Variants in CIITA observed in about 807,000 individuals in gnomAD.
CIITA encodes the protein MHC class II transactivator.
Under a neutral mutation model 115.1 loss-of-function variants are expected in CIITA, and 72 were observed. The ratio of observed to expected loss-of-function variants is 0.63; its 90% CI spans 0.52 to 0.76. CIITA has a LOEUF of 0.76. CIITA is among the 30% of genes least tolerant of loss of function. CIITA has a pLI of 0.00. For synonymous variants in CIITA, 763 were observed against 635.6 expected (o/e 1.20, Z -3.02); for missense variants, 1,617 against 1,463.8 (o/e 1.10, Z -1.71).
intron 14 of CIITA, among the ~76,000 whole-genome samples, 189 bp downstream of exon 14, chr16:10,915,839 C>T (rs1277749567): frequency 6.6e-6 from 1 of 152,228 alleles, no homozygotes; most frequent in African/African-American, 2.4e-5. Flanking sequence ...ATCCTGCCCC[C>T]AAGGCACCTG....
Position 10,907,662 on chromosome 16 carries a change from C to G in CIITA, c.2170C>G (p.Leu724Val), listed in dbSNP as rs756666655. ...CTTCCTGGGGGCCCTGTGGCTGGCT[C>G]TGAGTGGCGAAATCAAGGACAAGGA... The part of the protein sequence containing the change: ...QCFLGALWLA[L>V]SGEIKDKELP... The change falls in exon 11 of 20, where the codon CTG becomes GTG. Residue 724 changes from leucine to valine, a missense_variant. Physicochemically the swap from Leu to Val is conservative, Grantham distance 32. Transcript: ENST00000324288. The surrounding 1 kb of genome is among the most constrained non-coding windows in gnomAD (Gnocchi z 5.0). 3.1e-6 allele frequency: 5 copies of G among 1,614,118 alleles called. No homozygotes were observed. The Admixed American group carries it at 5.0e-5, about 16-fold the overall frequency.
At chr16:10,866,605 T>C (rs1329120973) in intron 1 of CIITA, 1 of 490,732 alleles carries the variant, frequency 2.0e-6, no homozygotes, top group Non-Finnish European at 4.0e-6. Context: ...CAAGGAGAAA[T>C]GACAGACTGT....
Position 10,929,660 on chromosome 16 carries a change from G to T in CIITA, c.*5805G>T. ...AATCCACCAGGCTCGGGAGGCTTGG[G>T]GTGGGGCAGGGAAGTCTTCCTCCAT... On this transcript the variant is annotated 3_prime_UTR_variant, in exon 20 of 20. Coordinates refer to ENST00000324288, the MANE Select transcript of CIITA (RefSeq NM_000246.4). This position sits in a 1 kb window ranked among gnomAD's most constrained non-coding sequence, Gnocchi z 4.3. The T allele has an allele frequency of 1.4e-6, 1 of 701,258 alleles. No homozygotes were observed. Among genetic ancestry groups the T allele is most frequent in the Non-Finnish European group, 1.8e-6 (1 of 570,522 alleles). The allele number at this position is 701,258 out of a possible 1,614,324, so 43.4% of individuals were successfully genotyped here. A position where few individuals can be genotyped will look rare whatever the true frequency, so the allele number is the denominator to read the frequency against.
In CIITA at chr16:10,898,987, A is replaced by G. The variant is rs2038428751; in HGVS notation, c.421A>G (p.Lys141Glu). 7.4e-6 allele frequency: 12 copies of G among 1,614,010 alleles called. No individual in the cohort carries two copies. The highest frequency in any genetic ancestry group is 1.0e-5 in the Non-Finnish European group (12 of 1,180,018). ...GGAGATGCCAGCAGAAGTTGGGCAG[A>G]AAAGTCAGAAAAGACGTGAGTGAGC... ...SMEMPAEVGQ[K>E]SQKRPFPEEL... is the part of the protein sequence containing the mutation. The change falls in exon 5 of 20, where the codon AAA (lysine) becomes GAA (glutamate). Residue 141 changes from lysine to glutamate, a missense_variant. Physicochemically the swap from Lys to Glu is moderately conservative, Grantham distance 56 (BLOSUM62 1). Coordinates refer to ENST00000324288, the MANE Select transcript of CIITA (RefSeq NM_000246.4).
At chr16:10,922,360 C>T in intron 17 of CIITA, 47 bp from the exon 18 acceptor site, 2 of 1,611,888 alleles carry the variant, frequency 1.2e-6, no homozygotes, top group Non-Finnish European at 1.7e-6. Flanking sequence ...TGGTCTGGAG[C>T]TGGGGAGTCC....
chr16:10,909,592 A>G (rs575080795), intron 12 of CIITA, among the ~76,000 whole-genome samples: 1 of 152,260 alleles, frequency 6.6e-6, no homozygotes, highest in Non-Finnish European at 1.5e-5. Context: ...ACTTGATTAC[A>G]GAACAAGTTA....
chr16:10,890,542 C>T (rs151031093), intron 1 of CIITA, among the ~76,000 whole-genome samples: 4 of 152,348 alleles, frequency 2.6e-5, no homozygotes, highest in African/African-American at 9.6e-5. Context: ...CTGCCTTGGA[C>T]TCCCAAAGTG....
intron 5 of CIITA, among the ~76,000 whole-genome samples, chr16:10,899,605 A>G (rs1009635920): frequency 6.6e-6 from 1 of 152,214 alleles, no homozygotes; most frequent in Non-Finnish European, 1.5e-5. Flanking sequence ...CATCTAGTGC[A>G]GTGCCTGGTA....
In CIITA at chr16:10,866,269, G is replaced by A. The variant is rs533689450; in HGVS notation, c.-71G>A. 1.1e-5 allele frequency: 6 copies of A among 553,286 alleles called. No individual in the cohort carries two copies. The African/African-American group carries it at 1.1e-4, about 10-fold the overall frequency. The allele number at this position is 553,286 out of a possible 1,614,324, so 34.3% of individuals were successfully genotyped here. On this transcript the variant is annotated 5_prime_UTR_variant, in exon 1 of 6. Transcript: ENST00000636238. The stretch of plus-strand genomic sequence containing the variant: ...ATTCCAGGCACTGGCCAGGGCAGCT[G>A]CCCTGACTCCAAGGGCTGCCATGAA...
intron 3 of CIITA, among the ~76,000 whole-genome samples, chr16:10,897,819 C>A (rs1195451287): frequency 6.6e-6 from 1 of 152,186 alleles, no homozygotes; most frequent in South Asian, 2.1e-4. Flanking sequence ...TTATTATCAT[C>A]TTCATTTTCA....
chr16:10,942,825 G>T lies in CIITA; in HGVS notation n.1951G>T, dbSNP rs2041136203. On this transcript the variant is annotated non_coding_transcript_exon_variant, in exon 2 of 2. Coordinates refer to the CIITA transcript ENST00000573379. The surrounding 1 kb of genome is among the most constrained non-coding windows in gnomAD (Gnocchi z 5.0). The stretch of plus-strand genomic sequence containing the variant: ...TCCTTTAAAAGGAGGCGGGGTCGGG[G>T]AGGGGCGACGGACGGTTGCCCTGGA... 1 of 152,234 alleles carries T rather than the reference G, an allele frequency of 6.6e-6. No homozygotes were observed. The highest frequency in any genetic ancestry group is 1.5e-5 in the Non-Finnish European group (1 of 68,030). 9.4% of individuals were successfully genotyped at this position (152,234 alleles called of 1,614,324 possible).
chr16:10,890,511 T>C (rs2037453904), intron 1 of CIITA, among the ~76,000 whole-genome samples: 2 of 152,186 alleles, frequency 1.3e-5, no homozygotes, highest in African/African-American at 2.4e-5. Context: ...GGTCTCAAAC[T>C]CCTGGACTGA....
intron 1 of CIITA, 63 bp downstream of exon 1, chr16:10,877,445 A>G: frequency 6.6e-7 from 1 of 1,523,622 alleles, no homozygotes; most frequent in Admixed American, 1.9e-5. Flanking sequence ...GCCATTCCAG[A>G]TAAACAGAGA....
At chr16:10,872,889 AAC>A (rs1314780984), upstream of CIITA, among the ~76,000 whole-genome samples, 1 of 152,256 alleles carries the variant, frequency 6.6e-6, no homozygotes, top group Non-Finnish European at 1.5e-5. Context: ...ATCCATTTGG[AAC>A]TGGAGGCTGC....
intron 1 of CIITA, among the ~76,000 whole-genome samples, chr16:10,890,702 T>C (rs1031742700): frequency 1.3e-5 from 2 of 152,146 alleles, no homozygotes; most frequent in Non-Finnish European, 2.9e-5. Flanking sequence ...AAGGGTCCCT[T>C]TGTCACTCTC....
In CIITA at chr16:10,879,149, G is replaced by A. The variant is rs1006881925; in HGVS notation, c.52+1767G>A. On this transcript the variant is annotated intron_variant, in intron 1 of 19. Coordinates refer to ENST00000324288, the MANE Select transcript of CIITA (RefSeq NM_000246.4). The surrounding 1 kb of genome is among the most constrained non-coding windows in gnomAD (Gnocchi z 4.3). ...GTCACACAGCAAGTCTGGGAGGATG[G>A]GGGGATGGAATATGCAAAATGTAGG... 2.2e-5 allele frequency: 4 copies of A among 181,706 alleles called. No homozygotes were observed. The East Asian group carries it at 3.6e-4, about 16-fold the overall frequency. 11.3% of individuals were successfully genotyped at this position (181,706 alleles called of 1,614,324 possible). A position where few individuals can be genotyped will look rare whatever the true frequency, so the allele number is the denominator to read the frequency against.
intron 1 of CIITA, among the ~76,000 whole-genome samples, chr16:10,871,376 C>G (rs991010172): frequency 6.6e-6 from 1 of 152,132 alleles, no homozygotes; most frequent in African/African-American, 2.4e-5. Context: ...ACAAAGGGGC[C>G]CATTTTGCAT....
chr16:10,906,749 G>C lies in CIITA; in HGVS notation c.1257G>C (p.Leu419=), dbSNP rs762995873. 3.1e-6 allele frequency: 5 copies of C among 1,610,818 alleles called. No individual in the cohort carries two copies. Among genetic ancestry groups the C allele is most frequent in the Non-Finnish European group, 4.2e-6 (5 of 1,179,726 alleles). ...GTGAGACACGAGTGATTGCTGTGCT[G>C]GGCAAAGCTGGTCAGGGCAAGAGCT... The part of the protein sequence containing the change: ...RPRETRVIAV[L]GKAGQGKSYW... The change falls in exon 11 of 20, where the codon CTG becomes CTC. Residue 419 remains leucine (L), a synonymous_variant. Coordinates refer to ENST00000324288, the MANE Select transcript of CIITA (RefSeq NM_000246.4).
chr16:10,866,542 G>T (rs367588994), intron 1 of CIITA: 4 of 550,058 alleles, frequency 7.3e-6, no homozygotes, highest in South Asian at 4.2e-5. Context: ...CCCAGCAGCC[G>T]AGAGGGGCCC....
Sources: allele counts gnomAD v4.1 joint callset (sites outside exome capture counted in the v4.1 genomes callset), GRCh38; gene constraint gnomAD v4.1.1; non-coding constraint Gnocchi (gnomAD v3.1); transcripts MANE v1.5; gene names NCBI Gene and HGNC (gene_info 2026-07-23, HGNC 2026-07-21).